The following HS6ST3 variants were observed in gnomAD, a reference collection of about 807,000 sequenced individuals.
The protein encoded by HS6ST3 is heparan-sulfate 6-O-sulfotransferase 3.
Under a neutral mutation model 36.7 loss-of-function variants are expected in HS6ST3, and 12 were observed. The observed-to-expected ratio is 0.33, with a 90% CI of 0.21 to 0.53. The LOEUF (loss-of-function observed/expected upper bound fraction) is 0.53. Ranked by LOEUF, HS6ST3 falls within the 20% of genes least tolerant of loss-of-function variation. The probability of loss-of-function intolerance (pLI) is 0.95; values close to 1 mark genes in which losing one functional copy is unlikely to be tolerated. For synonymous variants in HS6ST3, 240 were observed against 257.5 expected (o/e 0.93, Z 0.65); for missense variants, 584 against 640.9 (o/e 0.91, Z 0.96).
At chr13:96,564,250 C>A (rs2138957425) in intron 1 of HS6ST3, among the ~76,000 whole-genome samples, 1 of 152,284 alleles carries the variant, frequency 6.6e-6, no homozygotes, top group South Asian at 2.1e-4. Flanking sequence ...TTGGGAAAAA[C>A]TCAGACGGCA....
At chr13:96,660,998 C>T (rs1013327193) in intron 1 of HS6ST3, among the ~76,000 whole-genome samples, 5 of 152,140 alleles carry the variant, frequency 3.3e-5, no homozygotes, top group African/African-American at 1.2e-4. Flanking sequence ...TTCCTGCCCT[C>T]GAACTCCAAG....
chr13:96,779,769 T>TAA (rs35417653), intron 1 of HS6ST3, among the ~76,000 whole-genome samples: 3,535 of 141,196 alleles, frequency 0.025, 49 homozygotes, highest in East Asian at 0.028. Context: ...TATATTTACT[T>TAA]AAAAAAAAAA....
intron 1 of HS6ST3, among the ~76,000 whole-genome samples, chr13:96,652,001 A>G (rs1003705725): frequency 1.3e-5 from 2 of 152,054 alleles, no homozygotes; most frequent in African/African-American, 2.4e-5. Context: ...GAGTATTAAT[A>G]CCTGATATAT....
intron 1 of HS6ST3, among the ~76,000 whole-genome samples, chr13:96,117,462 A>G (rs761712810): frequency 6.6e-6 from 1 of 152,230 alleles, no homozygotes; most frequent in Non-Finnish European, 1.5e-5. Flanking sequence ...GGAAGAACAC[A>G]TTTTCAGGAC....
chr13:96,249,082 G>T (rs964550025), intron 1 of HS6ST3, among the ~76,000 whole-genome samples: 1 of 152,074 alleles, frequency 6.6e-6, no homozygotes, highest in Non-Finnish European at 1.5e-5. Context: ...CCCTGAAGAC[G>T]ATTTTTATTC....
rs530372112 is a variant in HS6ST3 at position 96,761,947 on chromosome 13, A to C, written c.708-70543A>C. On this transcript the variant is annotated intron_variant, in intron 1 of 1. Transcript: ENST00000376705. ...AAATTTAAAAAATAAGAATTGTTTA[A>C]ACATGAAATGAATGAGTATAATATT... 3.3e-5 allele frequency among the ~76,000 whole-genome samples: 5 copies of C among 152,266 alleles called. No homozygotes were observed. The East Asian group carries it at 7.7e-4, about 23-fold the overall frequency.
chr13:96,541,494 G>C (rs2138942265), intron 1 of HS6ST3, among the ~76,000 whole-genome samples: 1 of 152,292 alleles, frequency 6.6e-6, no homozygotes, highest in South Asian at 2.1e-4. Context: ...AAGAGTTTCA[G>C]TTCTTCCTGC....
chr13:96,191,561 T>C (rs977030828), intron 1 of HS6ST3, among the ~76,000 whole-genome samples: 3 of 152,222 alleles, frequency 2.0e-5, no homozygotes, highest in African/African-American at 7.2e-5. Context: ...CCAGTCTGAG[T>C]TAATTGCCTC....
chr13:96,634,377 C>T (rs2056541963), intron 1 of HS6ST3, among the ~76,000 whole-genome samples: 1 of 152,132 alleles, frequency 6.6e-6, no homozygotes, highest in Admixed American at 6.5e-5. Context: ...TGTTTTGTGT[C>T]ACCAGTACTA....
chr13:96,123,731 C>T (rs2053937516), intron 1 of HS6ST3, among the ~76,000 whole-genome samples: 1 of 152,106 alleles, frequency 6.6e-6, no homozygotes, highest in Non-Finnish European at 1.5e-5. Flanking sequence ...AGGGTTTATT[C>T]TCAGCGGAGT....
intron 1 of HS6ST3, among the ~76,000 whole-genome samples, chr13:96,458,473 C>T (rs1278702989): frequency 1.3e-5 from 2 of 152,044 alleles, no homozygotes; most frequent in Admixed American, 1.3e-4. Flanking sequence ...CAGACTCACT[C>T]AAAAGGGTCA....
chr13:96,483,921 T>G (rs920348239), intron 1 of HS6ST3, among the ~76,000 whole-genome samples: 1 of 152,218 alleles, frequency 6.6e-6, no homozygotes, highest in African/African-American at 2.4e-5. Context: ...TTAATTTTTG[T>G]GAACAGGGTG....
chr13:96,446,297 T>G (rs1262006457), intron 1 of HS6ST3, among the ~76,000 whole-genome samples: 1 of 152,244 alleles, frequency 6.6e-6, no homozygotes, highest in Non-Finnish European at 1.5e-5. Flanking sequence ...TTACATTTTT[T>G]TTTCAGACAT....
At chr13:96,586,481 A>T (rs2056361768) in intron 1 of HS6ST3, among the ~76,000 whole-genome samples, 1 of 152,092 alleles carries the variant, frequency 6.6e-6, no homozygotes, top group South Asian at 2.1e-4. Flanking sequence ...TTTTTAGTAG[A>T]GACAGGTTTT....
intron 1 of HS6ST3, among the ~76,000 whole-genome samples, chr13:96,390,491 C>T (rs551904245): frequency 5.7e-4 from 87 of 152,284 alleles, no homozygotes; most frequent in African/African-American, 2.0e-3. Flanking sequence ...AGTGTGTCTA[C>T]CAGTCCCTTG....
chr13:96,423,748 T>C (rs560219913), intron 1 of HS6ST3, among the ~76,000 whole-genome samples: 1 of 152,134 alleles, frequency 6.6e-6, no homozygotes, highest in South Asian at 2.1e-4. Flanking sequence ...CTCCCTGTGA[T>C]GGTACACTTC....
At chr13:96,692,068 A>G (rs1287737248) in intron 1 of HS6ST3, among the ~76,000 whole-genome samples, 1 of 152,132 alleles carries the variant, frequency 6.6e-6, no homozygotes, top group Non-Finnish European at 1.5e-5. Flanking sequence ...AGAATATTGA[A>G]GATTGATCGT....
chr13:96,157,812 C>A (rs759591935), intron 1 of HS6ST3, among the ~76,000 whole-genome samples: 2 of 152,110 alleles, frequency 1.3e-5, no homozygotes, highest in African/African-American at 4.8e-5. Flanking sequence ...ATTTCGAATG[C>A]GGATTCTATA....
At chr13:96,486,393 G>T (rs2138901949) in intron 1 of HS6ST3, among the ~76,000 whole-genome samples, 1 of 152,212 alleles carries the variant, frequency 6.6e-6, no homozygotes, top group South Asian at 2.1e-4. Flanking sequence ...TAATGGGATG[G>T]CTGGGTCAAA....
Sources: allele counts gnomAD v4.1 joint callset (sites outside exome capture counted in the v4.1 genomes callset), GRCh38; gene constraint gnomAD v4.1.1; transcripts MANE v1.5; gene names NCBI Gene and HGNC (gene_info 2026-07-23, HGNC 2026-07-21).